Variants in ABCD3 observed in about 807,000 individuals in gnomAD.
ABCD3 encodes ATP binding cassette subfamily D member 3.
ABCD3 carries 41 observed loss-of-function variants against 105.5 expected under a neutral mutation model. The observed-to-expected ratio is 0.39, with a 90% CI of 0.30 to 0.50. The LOEUF is 0.50. ABCD3 is among the 20% of genes least tolerant of loss of function. The pLI, the probability that ABCD3 is intolerant of heterozygous loss-of-function variation, is 0.84. For missense variants in ABCD3, 622 were observed against 806.3 expected (o/e 0.77, Z 2.77); for synonymous variants, 258 against 269.0 (o/e 0.96, Z 0.40).
chr1:94,478,561 A>G lies in ABCD3; in HGVS notation c.684+246A>G, dbSNP rs79440221. 569 of 1,596,956 alleles carry G rather than the reference A, an allele frequency of 3.6e-4. 3 individuals are homozygous for G. The East Asian group carries it at 0.011, about 31-fold the overall frequency. ...ATTTTGTGGCATTAAAAACCAGACA[A>G]ATGTATTGGCCAGGCGTGGTGGCTC... On this transcript the variant is annotated intron_variant, in intron 8 of 22. Coordinates refer to ENST00000370214, the MANE Select transcript of ABCD3 (RefSeq NM_002858.4).
At chr1:94,453,260 T>C (rs1007501627) in intron 1 of ABCD3, among the ~76,000 whole-genome samples, 1 of 152,160 alleles carries the variant, frequency 6.6e-6, no homozygotes, top group Non-Finnish European at 1.5e-5. Flanking sequence ...CAGACAACTT[T>C]ATAATTTCAG....
chr1:94,475,772 T>C, intron 7 of ABCD3, 35 bp downstream of exon 7: 1 of 1,557,170 alleles, frequency 6.4e-7, no homozygotes, highest in African/African-American at 1.4e-5. Context: ...ATTATTTGTT[T>C]AATTTTTTGA....
At chr1:94,482,345 AAAG>A (rs1328897060) in intron 9 of ABCD3, 4 of 152,196 alleles carry the variant, frequency 2.6e-5, no homozygotes, top group African/African-American at 9.7e-5. Context: ...TTAGGGGAAA[AAAG>A]AGACTTTAAA....
intron 1 of ABCD3, among the ~76,000 whole-genome samples, chr1:94,456,066 A>AC: frequency 1.3e-5 from 2 of 151,910 alleles, no homozygotes; most frequent in Non-Finnish European, 2.9e-5. Context: ...GTACCTTTTG[A>AC]CCAACTTTTC....
chr1:94,485,186 TTTAA>T (rs1649225229), intron 10 of ABCD3, among the ~76,000 whole-genome samples: 1 of 152,220 alleles, frequency 6.6e-6, no homozygotes, highest in Non-Finnish European at 1.5e-5. Flanking sequence ...TCAGTTTTTA[TTTAA>T]TTGCCACTTG....
the ABCD3 span, among the ~76,000 whole-genome samples, chr1:94,401,708 A>G: frequency 2.6e-5 from 4 of 152,234 alleles, no homozygotes; most frequent in Admixed American, 2.6e-4. Flanking sequence ...AGGGATGTTT[A>G]AGTAGATGCA....
intron 1 of ABCD3, among the ~76,000 whole-genome samples, chr1:94,433,756 C>G (rs1659785431): frequency 6.6e-6 from 1 of 151,836 alleles, no homozygotes; most frequent in African/African-American, 2.4e-5. Context: ...AAGTGCTTCT[C>G]CTGCCTCAGC....
chr1:94,398,393 C>T, the ABCD3 span, among the ~76,000 whole-genome samples: 110 of 152,268 alleles, frequency 7.2e-4, no homozygotes, highest in African/African-American at 2.5e-3. Flanking sequence ...AATCACTAAC[C>T]TGTCAGAATT....
upstream of ABCD3, among the ~76,000 whole-genome samples, chr1:94,416,855 C>A (rs1280296922): frequency 6.6e-6 from 1 of 152,226 alleles, no homozygotes; most frequent in Non-Finnish European, 1.5e-5. Context: ...AGGAATGGTG[C>A]TCAGAAGGCC....
At chr1:94,512,707 A>G (rs1215221192) in intron 21 of ABCD3, among the ~76,000 whole-genome samples, 2 of 152,070 alleles carry the variant, frequency 1.3e-5, no homozygotes, top group Admixed American at 6.6e-5. Context: ...TATTGGTTCC[A>G]TTCTTTAAGT....
intron 16 of ABCD3, among the ~76,000 whole-genome samples, chr1:94,497,168 G>T (rs1649865212): frequency 6.6e-6 from 1 of 151,890 alleles, no homozygotes; most frequent in African/African-American, 2.4e-5. Context: ...TTCCTCCAAA[G>T]TACTTATTTT....
Position 94,442,331 on chromosome 1 carries a change from T to C in ABCD3, c.111-16276T>C, listed in dbSNP as rs7537553. 9.3e-3 allele frequency among the ~76,000 whole-genome samples: 1,422 copies of C among 152,336 alleles called. 29 individuals carry two copies. The highest frequency in any genetic ancestry group is 0.033 in the African/African-American group (1,375 of 41,570). ...TTTTTCTAAAGGACTTCCATATTTT[T>C]ATGGAACACTATTTTATAGTTGCTG... is the stretch of plus-strand genomic sequence containing the variant. On this transcript the variant is annotated intron_variant, in intron 1 of 22. Transcript: ENST00000370214.
chr1:94,472,200 A>T (rs915347215), intron 4 of ABCD3: 1 of 980,306 alleles, frequency 1.0e-6, no homozygotes, highest in Admixed American at 6.2e-5. Flanking sequence ...ATAAGGCTTT[A>T]TTCAAGAAAC....
intron 1 of ABCD3, among the ~76,000 whole-genome samples, chr1:94,453,544 T>C (rs1196661565): frequency 6.6e-6 from 1 of 152,018 alleles, no homozygotes; most frequent in Non-Finnish European, 1.5e-5. Flanking sequence ...GGTCTCGATC[T>C]CCTGACCTCG....
chr1:94,432,493 C>G (rs1173961149), intron 1 of ABCD3: 1 of 152,190 alleles, frequency 6.6e-6, no homozygotes, highest in Non-Finnish European at 1.5e-5. Flanking sequence ...TTATTGAACA[C>G]TTAACCATAT....
intron 1 of ABCD3, among the ~76,000 whole-genome samples, chr1:94,423,116 G>A (rs1386203070): frequency 6.6e-6 from 1 of 152,110 alleles, no homozygotes; most frequent in Non-Finnish European, 1.5e-5. Context: ...CTTTATTCAT[G>A]CTGTTACTCA....
intron 1 of ABCD3, among the ~76,000 whole-genome samples, chr1:94,424,733 G>A (rs1220655709): frequency 6.6e-6 from 1 of 152,088 alleles, no homozygotes; most frequent in South Asian, 2.1e-4. Flanking sequence ...ACTCAAAATA[G>A]CATCCTGTCT....
At chr1:94,464,725 T>C (rs748754651) in intron 2 of ABCD3, 50 bp from the exon 3 acceptor site, 1 of 1,442,928 alleles carries the variant, frequency 6.9e-7, no homozygotes, top group Non-Finnish European at 9.7e-7. Context: ...TTTAATTTTA[T>C]GATATGTTTG....
the ABCD3 span, among the ~76,000 whole-genome samples, chr1:94,409,484 A>C: frequency 1.3e-5 from 2 of 152,238 alleles, no homozygotes; most frequent in Non-Finnish European, 2.9e-5. Context: ...CAATTGAGAC[A>C]ATATAGTATG....
Sources: gnomAD v4.1 joint callset for allele counts (sites outside exome capture counted in the v4.1 genomes callset) on GRCh38, gnomAD v4.1.1 for gene constraint, MANE v1.5 for transcripts, NCBI Gene and HGNC (gene_info 2026-07-23, HGNC 2026-07-21) for gene names.